The following DOCK1 variants were observed in gnomAD, a reference collection of about 807,000 sequenced individuals.
DOCK1 encodes dedicator of cytokinesis protein 1.
In DOCK1, 138 loss-of-function variants were observed where a neutral mutation model predicts 262.7. The observed-to-expected ratio is 0.53, with a 90% CI of 0.46 to 0.61. The LOEUF (loss-of-function observed/expected upper bound fraction) is 0.61, where lower values mean the gene tolerates loss of function less well. DOCK1 is among the 20% of genes least tolerant of loss of function. The pLI is 0.00. For synonymous variants in DOCK1, 866 were observed against 867.4 expected (o/e 1.00, Z 0.03); for missense variants, 1,908 against 2,370.7 (o/e 0.80, Z 4.05).
chr10:127,373,047 T>C (rs868650734), intron 33 of DOCK1, among the ~76,000 whole-genome samples: 11 of 152,266 alleles, frequency 7.2e-5, no homozygotes, highest in Non-Finnish European at 1.2e-4. Context: ...GAGGTTTTTT[T>C]CAGCCTGATC....
intron 43 of DOCK1, among the ~76,000 whole-genome samples, chr10:127,412,520 G>A (rs982791274): frequency 1.6e-4 from 25 of 152,154 alleles, no homozygotes; most frequent in Admixed American, 1.6e-3. Flanking sequence ...GCATTAGCCC[G>A]GGGACCCCCA....
In DOCK1 at chr10:127,415,144, C is replaced by G; in HGVS notation, c.4429-8C>G. On this transcript the variant is annotated splice_region_variant and splice_polypyrimidine_tract_variant and intron_variant, in intron 43 of 51. Coordinates refer to ENST00000623213, the MANE Select transcript of DOCK1 (RefSeq NM_001290223.2). Reference sequence around the variant, plus strand: ...AACCCGTGTTGTGTGTGTGTGTTTCCTTTGCAGAATATGTGGATCGAGAGA... The same window carrying G: ...AACCCGTGTTGTGTGTGTGTGTTTCGTTTGCAGAATATGTGGATCGAGAGA... 2 of 1,612,670 alleles carry G rather than the reference C, an allele frequency of 1.2e-6. No homozygotes were observed. Among genetic ancestry groups the G allele is most frequent in the South Asian group, 2.2e-5 (2 of 90,434 alleles).
At chr10:127,243,702 C>A (rs2059339951) in intron 27 of DOCK1, among the ~76,000 whole-genome samples, 1 of 152,150 alleles carries the variant, frequency 6.6e-6, no homozygotes, top group Non-Finnish European at 1.5e-5. Context: ...AGGCAGTAGC[C>A]AAGGCCACAC....
chr10:126,997,113 C>T (rs1265541746), intron 7 of DOCK1, among the ~76,000 whole-genome samples: 11 of 152,078 alleles, frequency 7.2e-5, no homozygotes, highest in Admixed American at 7.2e-4. Context: ...GAGACAGGAT[C>T]CTAATGATGT....
At position 127,315,049 on chromosome 10, in the gene DOCK1, G is replaced by A. The variant is rs182013947; in HGVS notation, c.3045-23957G>A. Among the ~76,000 whole-genome samples, 9 of 151,970 alleles carry A rather than the reference G, an allele frequency of 5.9e-5. No homozygotes were observed. In the East Asian group the frequency reaches 1.4e-3, roughly 23 times the overall value. ...GGGAAAAGCAAATCCGCTCCTCCTG[G>A]CCCAGGGCCTGAAACCTGGGAGGCT... is the stretch of plus-strand genomic sequence containing the variant. On this transcript the variant is annotated intron_variant, in intron 29 of 51. Coordinates refer to ENST00000623213, the MANE Select transcript of DOCK1 (RefSeq NM_001290223.2).
At position 127,001,903 on chromosome 10, in the gene DOCK1, C is replaced by CT. The variant is rs536524519; in HGVS notation, c.985+1597dup. Among the ~76,000 whole-genome samples, 119 of 152,312 alleles carry CT rather than the reference C, an allele frequency of 7.8e-4. 1 individual carries two copies. Among genetic ancestry groups the CT allele is most frequent in the South Asian group, 5.0e-3 (24 of 4,828 alleles). ...TGTTTTTATGAGACAGAGTCTAACTCTGTCACCCAGGCTGTGTGATGACAG... is the reference window on the plus strand; with the variant it reads ...TGTTTTTATGAGACAGAGTCTAACTCTTGTCACCCAGGCTGTGTGATGACAG... On this transcript the variant is annotated intron_variant, in intron 10 of 51. Coordinates refer to ENST00000623213, the MANE Select transcript of DOCK1 (RefSeq NM_001290223.2).
chr10:127,124,071 CAG>C (rs752084797), intron 25 of DOCK1, among the ~76,000 whole-genome samples: 12 of 152,200 alleles, frequency 7.9e-5, no homozygotes, highest in Non-Finnish European at 1.0e-4. Context: ...CCGCTGGAGA[CAG>C]GGGAGTAGAG....
intron 34 of DOCK1, 88 bp from the exon 35 acceptor site, chr10:127,373,970 G>C: frequency 1.3e-6 from 2 of 1,529,096 alleles, no homozygotes; most frequent in Admixed American, 4.3e-5. Context: ...ATTAAAATGT[G>C]TTAATAATGG....
chr10:127,216,536 T>C (rs1035501427), intron 27 of DOCK1, among the ~76,000 whole-genome samples: 3 of 151,716 alleles, frequency 2.0e-5, no homozygotes, highest in Admixed American at 6.6e-5. Flanking sequence ...CTTACAGCCA[T>C]TGGGCTGGGC....
chr10:127,167,386 A>G (rs1405656713), intron 27 of DOCK1, among the ~76,000 whole-genome samples: 3 of 152,182 alleles, frequency 2.0e-5, no homozygotes, highest in East Asian at 1.9e-4. Flanking sequence ...ACAGAGACCA[A>G]CTCTAGCATT....
intron 27 of DOCK1, among the ~76,000 whole-genome samples, chr10:127,222,550 G>A (rs772692114): frequency 2.0e-5 from 3 of 152,210 alleles, no homozygotes; most frequent in East Asian, 3.9e-4. Flanking sequence ...AGTTTCCTTG[G>A]GAGATAAATT....
At chr10:127,146,646 G>C (rs1394471986) in intron 27 of DOCK1, among the ~76,000 whole-genome samples, 1 of 152,090 alleles carries the variant, frequency 6.6e-6, no homozygotes, top group Non-Finnish European at 1.5e-5. Flanking sequence ...ACTAAGAACA[G>C]AGCACTAAAC....
intron 24 of DOCK1, among the ~76,000 whole-genome samples, chr10:127,109,308 C>G (rs1324046800): frequency 6.6e-6 from 1 of 152,156 alleles, no homozygotes; most frequent in East Asian, 1.9e-4. Context: ...TATGTAGTTA[C>G]TAACAAGAGC....
At chr10:127,397,751 A>G (rs899311740) in intron 38 of DOCK1, among the ~76,000 whole-genome samples, 1 of 103,980 alleles carries the variant, frequency 9.6e-6, no homozygotes, top group Admixed American at 1.2e-4. Context: ...CTCCTGTATG[A>G]CACGGGCAGC....
chr10:127,321,971 C>T (rs1387687005), intron 29 of DOCK1, among the ~76,000 whole-genome samples: 2 of 151,604 alleles, frequency 1.3e-5, no homozygotes, highest in African/African-American at 4.8e-5. Flanking sequence ...GATGTGGTGG[C>T]ACACACTTGT....
intron 27 of DOCK1, among the ~76,000 whole-genome samples, chr10:127,174,123 G>T (rs2054841593): frequency 6.6e-6 from 1 of 152,236 alleles, no homozygotes; most frequent in African/African-American, 2.4e-5. Context: ...TTTGTGCCCA[G>T]GTGGTTTTCT....
At chr10:127,099,236 T>C (rs1464989950) in intron 23 of DOCK1, among the ~76,000 whole-genome samples, 2 of 152,166 alleles carry the variant, frequency 1.3e-5, no homozygotes, top group Non-Finnish European at 2.9e-5. Context: ...TTGGGAGTCA[T>C]GGAGGGTCGA....
chr10:126,925,600 T>A (rs1777270630), intron 1 of DOCK1, among the ~76,000 whole-genome samples: 1 of 152,150 alleles, frequency 6.6e-6, no homozygotes, highest in African/African-American at 2.4e-5. Flanking sequence ...GCCAGGATGG[T>A]CTCGATCTCT....
In DOCK1 at chr10:127,053,629, C is replaced by T. The variant is rs191332075; in HGVS notation, c.2336+814C>T. On this transcript the variant is annotated intron_variant, in intron 22 of 51. Coordinates refer to ENST00000623213, the MANE Select transcript of DOCK1 (RefSeq NM_001290223.2). ...AAAAAATGTATTTATTACCATTGAA[C>T]TGTATACTTAAAATGGTAAAGATGG... 2.0e-5 allele frequency among the ~76,000 whole-genome samples: 3 copies of T among 152,268 alleles called. No homozygotes were observed. The East Asian group carries it at 5.8e-4, about 29-fold the overall frequency.
Sources: allele counts gnomAD v4.1 joint callset (sites outside exome capture counted in the v4.1 genomes callset), GRCh38; gene constraint gnomAD v4.1.1; transcripts MANE v1.5; gene names NCBI Gene and HGNC (gene_info 2026-07-23, HGNC 2026-07-21).